Variants in SH3RF1 observed in about 807,000 individuals in gnomAD.
The protein encoded by SH3RF1 is SH3 domain containing ring finger 1.
SH3RF1 carries 32 observed loss-of-function variants against 74.0 expected under a neutral mutation model. That is an observed-to-expected ratio of 0.43 (90% confidence interval 0.33 to 0.58). SH3RF1 has a LOEUF of 0.58. Among genes scored for constraint, SH3RF1 ranks in the 20% least tolerant of loss-of-function variants. SH3RF1 has a pLI of 0.05. For missense variants in SH3RF1, 954 were observed against 1,130.9 expected, an observed-to-expected ratio of 0.84 and a Z score of 2.24; for synonymous variants, 396 against 439.6, an observed-to-expected ratio of 0.90 and a Z score of 1.24.
chr4:169,233,307 T>TA (rs1186174350), intron 2 of SH3RF1, among the ~76,000 whole-genome samples: 1 of 147,090 alleles, frequency 6.8e-6, no homozygotes, highest in Non-Finnish European at 1.5e-5. Context: ...GTAAATGGGA[T>TA]ATTCTGCTTA....
At chr4:169,146,177 A>G (rs1458852849) in intron 4 of SH3RF1, among the ~76,000 whole-genome samples, 3 of 143,298 alleles carry the variant, frequency 2.1e-5, no homozygotes, top group Admixed American at 1.4e-4. Context: ...TCTATATATT[A>G]TATATTCTAT....
intron 11 of SH3RF1, among the ~76,000 whole-genome samples, chr4:169,101,983 C>A (rs1331667838): frequency 6.6e-6 from 1 of 152,118 alleles, no homozygotes; most frequent in Non-Finnish European, 1.5e-5. Context: ...TATTAGTATA[C>A]ATTTCCTGTT....
intron 2 of SH3RF1, among the ~76,000 whole-genome samples, chr4:169,220,802 T>G (rs1730553996): frequency 6.6e-6 from 1 of 152,248 alleles, no homozygotes. Context: ...TACATGGAAA[T>G]GCAATCCGGA....
At chr4:169,154,550 T>G (rs1454273491) in intron 4 of SH3RF1, among the ~76,000 whole-genome samples, 1 of 152,224 alleles carries the variant, frequency 6.6e-6, no homozygotes, top group African/African-American at 2.4e-5. Flanking sequence ...AATAATCTTG[T>G]GCTCTCTCTT....
intron 4 of SH3RF1, among the ~76,000 whole-genome samples, chr4:169,143,902 T>TA (rs1733827462): frequency 6.6e-6 from 1 of 152,148 alleles, no homozygotes; most frequent in Non-Finnish European, 1.5e-5. Context: ...AAAAAGAGGG[T>TA]ACATGTCATT....
intron 11 of SH3RF1, 142 bp downstream of exon 11, chr4:169,106,705 G>T (rs1733144663): frequency 1.0e-5 from 7 of 691,658 alleles, no homozygotes; most frequent in Middle Eastern, 3.9e-4. Context: ...AGTGGGAAAA[G>T]AAATTCAGTG....
At chr4:169,183,750 T>TAAA (rs199772454) in intron 2 of SH3RF1, among the ~76,000 whole-genome samples, 348 of 140,226 alleles carry the variant, frequency 2.5e-3, no homozygotes, top group Middle Eastern at 7.2e-3. Flanking sequence ...GCTGTCTCTT[T>TAAA]AAAAAAAAAA....
At chr4:169,201,364 G>A (rs896311928) in intron 2 of SH3RF1, among the ~76,000 whole-genome samples, 18 of 152,162 alleles carry the variant, frequency 1.2e-4, no homozygotes, top group African/African-American at 3.9e-4. Context: ...GGATTAGAGC[G>A]GGGCTAGGGC....
At position 169,218,301 on chromosome 4, in the gene SH3RF1, A is replaced by AT. The variant is rs1182094140; in HGVS notation, c.393+50518_393+50519insA. Among the ~76,000 whole-genome samples the AT allele has an allele frequency of 5.3e-3, 513 of 96,666 alleles. 3 individuals carry two copies. Among genetic ancestry groups the AT allele is most frequent in the African/African-American group, 0.015 (487 of 33,068 alleles). The allele number at this position is 96,666 out of a possible 152,430, so 63.4% of individuals were successfully genotyped here. A position where few individuals can be genotyped will look rare whatever the true frequency, so the allele number is the denominator to read the frequency against. ...ATATATAATATATAATATATAATATAAATATAGAATATAGAATATAGAATA... is the reference window on the plus strand; with the variant it reads ...ATATATAATATATAATATATAATATATAATATAGAATATAGAATATAGAATA... On this transcript the variant is annotated intron_variant, in intron 2 of 11. Transcript: ENST00000284637.
At chr4:169,177,126 T>C (rs1236082184) in intron 2 of SH3RF1, among the ~76,000 whole-genome samples, 1 of 152,206 alleles carries the variant, frequency 6.6e-6, no homozygotes, top group African/African-American at 2.4e-5. Context: ...ATTTGATGGA[T>C]AATAAGCCAT....
intron 2 of SH3RF1, among the ~76,000 whole-genome samples, chr4:169,252,349 G>A (rs1731119117): frequency 6.6e-6 from 1 of 152,120 alleles, no homozygotes. Context: ...TTTTCCCCAA[G>A]GTAATGTGTC....
At chr4:169,110,912 T>G (rs1733232605) in intron 10 of SH3RF1, among the ~76,000 whole-genome samples, 1 of 152,132 alleles carries the variant, frequency 6.6e-6, no homozygotes, top group Admixed American at 6.5e-5. Flanking sequence ...ATGGAAGCAC[T>G]TGGGTCGATA....
At chr4:169,125,119 T>C (rs1472089055) in intron 6 of SH3RF1, among the ~76,000 whole-genome samples, 1 of 152,228 alleles carries the variant, frequency 6.6e-6, no homozygotes, top group African/African-American at 2.4e-5. Context: ...TATTTTGCCA[T>C]GTCCAGGTTC....
intron 2 of SH3RF1, among the ~76,000 whole-genome samples, chr4:169,230,670 C>G (rs569771374): frequency 6.6e-6 from 1 of 151,936 alleles, no homozygotes; most frequent in Non-Finnish European, 1.5e-5. Flanking sequence ...ACCAGCCTGG[C>G]CAACATGGTG....
At chr4:169,115,303 G>A (rs986806271) in intron 10 of SH3RF1, among the ~76,000 whole-genome samples, 20 of 152,298 alleles carry the variant, frequency 1.3e-4, no homozygotes, top group African/African-American at 2.4e-4. Flanking sequence ...GAACCAGGCC[G>A]CACAGCAGGA....
chr4:169,207,658 C>T (rs1297767050), intron 2 of SH3RF1, among the ~76,000 whole-genome samples: 1 of 152,178 alleles, frequency 6.6e-6, no homozygotes, highest in Middle Eastern at 3.2e-3. Flanking sequence ...AGTCCAGGTT[C>T]TGGATGCTTC....
intron 2 of SH3RF1, among the ~76,000 whole-genome samples, chr4:169,188,781 T>C (rs1379849727): frequency 6.6e-6 from 1 of 152,232 alleles, no homozygotes; most frequent in Non-Finnish European, 1.5e-5. Flanking sequence ...CAAAATAATT[T>C]CTTCCATACT....
intron 10 of SH3RF1, among the ~76,000 whole-genome samples, chr4:169,110,346 C>T (rs1056714114): frequency 2.7e-5 from 4 of 150,648 alleles, no homozygotes; most frequent in African/African-American, 7.3e-5. Flanking sequence ...AGTGAGACCT[C>T]GTTTAAAAAA....
chr4:169,257,393 A>C (rs567672823), intron 2 of SH3RF1, among the ~76,000 whole-genome samples: 4 of 152,312 alleles, frequency 2.6e-5, no homozygotes, highest in Non-Finnish European at 5.9e-5. Context: ...CGCCTCAGAC[A>C]GTCCTGACTT....
Sources: allele counts gnomAD v4.1 joint callset (sites outside exome capture counted in the v4.1 genomes callset), GRCh38; gene constraint gnomAD v4.1.1; transcripts MANE v1.5; gene names NCBI Gene and HGNC (gene_info 2026-07-23, HGNC 2026-07-21).